The following SLCO6A1 variants were observed in gnomAD, a reference collection of about 807,000 sequenced individuals.
SLCO6A1 encodes cancer/testis antigen 48.
SLCO6A1 carries 65 observed loss-of-function variants against 72.7 expected under a neutral mutation model. That is an observed-to-expected ratio of 0.89 (90% CI 0.73 to 1.10). The LOEUF is 1.10. SLCO6A1 is among the 50% of genes least tolerant of loss of function. The pLI is 0.00. For missense variants in SLCO6A1, 874 were observed against 872.6 expected (o/e 1.00, Z -0.02); for synonymous variants, 314 against 298.2 (o/e 1.05, Z -0.55).
chr5:102,378,203 C>T (rs998601296), intron 12 of SLCO6A1, among the ~76,000 whole-genome samples: 9 of 151,530 alleles, frequency 5.9e-5, no homozygotes, highest in African/African-American at 1.9e-4. Flanking sequence ...GAAAATGTGG[C>T]ACATATACAC....
At chr5:102,454,866 A>T (rs1750617012) in intron 6 of SLCO6A1, among the ~76,000 whole-genome samples, 1 of 151,398 alleles carries the variant, frequency 6.6e-6, no homozygotes, top group Non-Finnish European at 1.5e-5. Context: ...ACAAATCTGA[A>T]TTAAATGTAA....
chr5:102,424,311 C>CA (rs1349107388), intron 7 of SLCO6A1, among the ~76,000 whole-genome samples: 1 of 151,712 alleles, frequency 6.6e-6, no homozygotes, highest in African/African-American at 2.4e-5. Context: ...AAAAGCCCTT[C>CA]AAAAAATCAA....
chr5:102,480,282 CT>C lies in SLCO6A1; in HGVS notation c.510del (p.Val171Ter), dbSNP rs1561496021. ...IFIAFYGDRK[K>X]VIWFVASSFL... The stretch of plus-strand genomic sequence containing the variant: ...AAGGAGGAAGCTACAAACCATATTA[CT>C]TTTTTTCTGTCTCCATAGAATGCTA... On this transcript the variant is annotated frameshift_variant, in exon 2 of 14. Coordinates refer to ENST00000506729, the MANE Select transcript of SLCO6A1 (RefSeq NM_173488.5). LOFTEE classifies it high-confidence loss of function. The C allele has an allele frequency of 5.0e-6, 8 of 1,613,424 alleles. No individual in the cohort carries two copies. The highest frequency in any genetic ancestry group is 5.1e-6 in the Non-Finnish European group (6 of 1,179,698).
chr5:102,383,067 CTATA>C (rs1205469090), intron 12 of SLCO6A1, among the ~76,000 whole-genome samples: 10 of 74,860 alleles, frequency 1.3e-4, no homozygotes, highest in East Asian at 3.1e-4. Flanking sequence ...CTACCAAAAA[CTATA>C]TATAGTGTAT....
intron 6 of SLCO6A1, among the ~76,000 whole-genome samples, chr5:102,450,920 T>G (rs904336311): frequency 6.6e-6 from 1 of 152,130 alleles, no homozygotes; most frequent in Non-Finnish European, 1.5e-5. Flanking sequence ...AGCCTAAGGA[T>G]AGTAACCGTG....
In SLCO6A1 at chr5:102,498,500, C is replaced by G. The variant is rs1561509483; in HGVS notation, c.345G>C (p.Leu115=). 6.2e-7 allele frequency: 1 copy of G among 1,613,186 alleles called. No individual in the cohort carries two copies. The highest frequency in any genetic ancestry group is 1.7e-5 in the Admixed American group (1 of 59,964). The change falls in exon 1 of 14, where the codon CTG becomes CTC. Residue 115 remains leucine, a synonymous_variant. Transcript: ENST00000506729. ...IRCFMIFYCI[L]LICQGVVFGL... is the part of the protein sequence containing the mutation. ...CTTCAGGCTCACCTTGACATATGAG[C>G]AGGATGCAGTAGAAAATCATGAAGC... is the stretch of plus-strand genomic sequence containing the variant.
Position 102,389,445 on chromosome 5 carries a change from G to GCCCC in SLCO6A1, c.1880-624_1880-621dup, listed in dbSNP as rs200901362. Among the ~76,000 whole-genome samples the GCCCC allele has an allele frequency of 6.8e-4, 24 of 35,150 alleles. 1 individual carries two copies. Among genetic ancestry groups the GCCCC allele is most frequent in the African/African-American group, 1.7e-3 (15 of 8,900 alleles). The allele number at this position is 35,150 out of a possible 152,430, so 23.1% of individuals were successfully genotyped here. On this transcript the variant is annotated intron_variant, in intron 11 of 13. Transcript: ENST00000506729. Reference sequence around the variant, plus strand: ...AAGTGAGTGAACAGTCACACACCCCGCCCCCCACCCCCACACACACAGAGT... The same window carrying GCCCC: ...AAGTGAGTGAACAGTCACACACCCCGCCCCCCCCCCACCCCCACACACACAGAGT...
intron 8 of SLCO6A1, among the ~76,000 whole-genome samples, chr5:102,417,304 C>T (rs1038809313): frequency 4.0e-5 from 6 of 151,300 alleles, no homozygotes; most frequent in Admixed American, 3.9e-4. Flanking sequence ...AAGATTATCT[C>T]CCTTTTAACT....
At chr5:102,381,641 G>A (rs1284458460) in intron 12 of SLCO6A1, among the ~76,000 whole-genome samples, 4 of 151,282 alleles carry the variant, frequency 2.6e-5, no homozygotes, top group African/African-American at 9.7e-5. Context: ...AATTTTTTGA[G>A]AACTTGTTTT....
intron 4 of SLCO6A1, among the ~76,000 whole-genome samples, 179 bp downstream of exon 4, chr5:102,475,518 A>T (rs187558845): frequency 6.6e-6 from 1 of 152,260 alleles, no homozygotes; most frequent in Non-Finnish European, 1.5e-5. Context: ...AAAATGTTTA[A>T]GATGTATATT....
In SLCO6A1 at chr5:102,498,387, T is replaced by C; in HGVS notation, c.358+100A>G. ...CAGGCTGGGCCACCCCAGGGCATGCTGGGCCACCCCAGGGCGTCCTCCGCC... is the reference window on the plus strand; with the variant it reads ...CAGGCTGGGCCACCCCAGGGCATGCCGGGCCACCCCAGGGCGTCCTCCGCC... On this transcript the variant is annotated intron_variant, in intron 1 of 13. Transcript: ENST00000506729. 3.4e-6 allele frequency: 4 copies of C among 1,188,306 alleles called. No individual in the cohort carries two copies. In the South Asian group the frequency reaches 4.4e-5, roughly 13 times the overall value. The allele number at this position is 1,188,306 out of a possible 1,614,324, so 73.6% of individuals were successfully genotyped here. A position where few individuals can be genotyped will look rare whatever the true frequency, so the allele number is the denominator to read the frequency against.
In SLCO6A1 at chr5:102,388,717, G is replaced by A; in HGVS notation, c.1988C>T (p.Thr663Ile). Reference sequence around the variant, plus strand: ...TCCTACCAATAAGAAAGCCATTTTTGTCTTGTTATATATCCAACAACGTCC... The same window carrying A: ...TCCTACCAATAAGAAAGCCATTTTTATCTTGTTATATATCCAACAACGTCC... Reference protein sequence around the residue: ...HTGRCWIYNKTKMAFLLVGIC... With the variant: ...HTGRCWIYNKIKMAFLLVGIC... The change falls in exon 12 of 14, where the codon ACA becomes ATA. Residue 663 changes from threonine (T) to isoleucine (I), a missense_variant. Coordinates refer to ENST00000506729, the MANE Select transcript of SLCO6A1 (RefSeq NM_173488.5). 6.3e-7 allele frequency: 1 copy of A among 1,582,860 alleles called. No individual in the cohort carries two copies. Among genetic ancestry groups the A allele is most frequent in the Non-Finnish European group, 8.6e-7 (1 of 1,169,166 alleles).
chr5:102,385,251 T>C (rs1174526827), intron 12 of SLCO6A1, among the ~76,000 whole-genome samples: 1 of 152,176 alleles, frequency 6.6e-6, no homozygotes, highest in Non-Finnish European at 1.5e-5. Flanking sequence ...CTTTGACTTT[T>C]GTGAATTTGA....
chr5:102,454,914 T>C (rs1175279149), intron 6 of SLCO6A1, among the ~76,000 whole-genome samples: 3 of 150,140 alleles, frequency 2.0e-5, no homozygotes, highest in Non-Finnish European at 4.4e-5. Context: ...GATTAAAAGA[T>C]AAACACAGAA....
Position 102,374,203 on chromosome 5 carries a change from G to C in SLCO6A1, c.2018-709C>G, listed in dbSNP as rs144624572. Reference sequence around the variant, plus strand: ...AATTTTTATAGTTTTTGTAGAGACGGGGTTTTGCCATGTTGCTCTCTCAAA... The same window carrying C: ...AATTTTTATAGTTTTTGTAGAGACGCGGTTTTGCCATGTTGCTCTCTCAAA... On this transcript the variant is annotated intron_variant, in intron 12 of 13. Transcript: ENST00000506729. Among the ~76,000 whole-genome samples the C allele has an allele frequency of 2.8e-3, 419 of 152,082 alleles. 1 individual carries two copies. The highest frequency in any genetic ancestry group is 9.1e-3 in the African/African-American group (376 of 41,492).
chr5:102,376,858 A>G (rs979209333), intron 12 of SLCO6A1, among the ~76,000 whole-genome samples: 9 of 152,162 alleles, frequency 5.9e-5, no homozygotes, highest in Admixed American at 1.3e-4. Context: ...ACATATGACT[A>G]TGAAAACATT....
intron 13 of SLCO6A1, among the ~76,000 whole-genome samples, chr5:102,372,945 A>G (rs1750703611): frequency 1.3e-5 from 2 of 151,888 alleles, no homozygotes; most frequent in Admixed American, 6.6e-5. Flanking sequence ...TGGCAAATAT[A>G]CTTTTATTTA....
chr5:102,452,156 T>C (rs982214369), intron 6 of SLCO6A1, among the ~76,000 whole-genome samples: 5 of 152,218 alleles, frequency 3.3e-5, no homozygotes, highest in Non-Finnish European at 7.4e-5. Context: ...ATCTGAGTCC[T>C]ATTATGCAAA....
chr5:102,472,600 C>T (rs931953619), intron 4 of SLCO6A1, among the ~76,000 whole-genome samples: 4 of 151,666 alleles, frequency 2.6e-5, no homozygotes, highest in Non-Finnish European at 4.4e-5. Flanking sequence ...ATTTATGTAA[C>T]TGTAGAAAGG....
Sources: allele counts gnomAD v4.1 joint callset (sites outside exome capture counted in the v4.1 genomes callset), GRCh38; gene constraint gnomAD v4.1.1; transcripts MANE v1.5; gene names NCBI Gene and HGNC (gene_info 2026-07-23, HGNC 2026-07-21).